The following IFT122 variants were observed in gnomAD, a reference collection of about 807,000 sequenced individuals.
The protein encoded by IFT122 is intraflagellar transport 122.
A neutral mutation model predicts 161.6 loss-of-function variants in IFT122; 118 were observed. The ratio of observed to expected loss-of-function variants is 0.73; its 90% confidence interval spans 0.63 to 0.85. The LOEUF is 0.85. Ranked by LOEUF, IFT122 falls within the 40% of genes least tolerant of loss-of-function variation. IFT122 has a pLI of 0.00. For synonymous variants in IFT122, 550 were observed against 602.4 expected (o/e 0.91, Z 1.27); for missense variants, 1,381 against 1,579.6 (o/e 0.87, Z 2.13).
intron 9 of IFT122, among the ~76,000 whole-genome samples, chr3:129,472,160 A>G (rs563654119): frequency 8.5e-5 from 13 of 152,080 alleles, no homozygotes; most frequent in African/African-American, 2.9e-4. Flanking sequence ...GTCTGATTTT[A>G]TTTACTTTTT....
At chr3:129,445,287 C>T (rs1019817274) in intron 1 of IFT122, among the ~76,000 whole-genome samples, 15 of 152,140 alleles carry the variant, frequency 9.9e-5, no homozygotes, top group Non-Finnish European at 4.4e-5. Flanking sequence ...GATCCTGCTA[C>T]TGCACTCCAG....
rs114073367 is a variant in IFT122, at chr3:129,487,942, C to G, written c.1852-315C>G. On this transcript the variant is annotated intron_variant, in intron 15 of 29. Coordinates refer to ENST00000348417, the MANE Select transcript of IFT122 (RefSeq NM_052989.3). Reference sequence around the variant, plus strand: ...AAGCCAAATAGGTATTTTCCAGAGGCAGAGTGGGGAGGGGCAAAGGCATTC... The same window carrying G: ...AAGCCAAATAGGTATTTTCCAGAGGGAGAGTGGGGAGGGGCAAAGGCATTC... 6.0e-3 allele frequency: 2,632 copies of G among 440,396 alleles called. 20 individuals are homozygous for G. Among genetic ancestry groups the G allele is most frequent in the African/African-American group, 0.035 (1,726 of 49,578 alleles). 27.3% of individuals were successfully genotyped at this position (440,396 alleles called of 1,614,324 possible). A position where few individuals can be genotyped will look rare whatever the true frequency, so the allele number is the denominator to read the frequency against.
intron 1 of IFT122, 79 bp from the exon 2 acceptor site, chr3:129,449,792 A>G (rs1372422311): frequency 1.0e-6 from 1 of 968,364 alleles, no homozygotes; most frequent in African/African-American, 1.6e-5. Context: ...CTTAATGGCA[A>G]TAAAGTTTAC....
At chr3:129,503,442 C>A (rs1256727262) in intron 20 of IFT122, among the ~76,000 whole-genome samples, 3 of 152,160 alleles carry the variant, frequency 2.0e-5, no homozygotes, top group African/African-American at 7.2e-5. Context: ...TGGCCAGCCT[C>A]AGGCTGGCAG....
chr3:129,516,647 TACAC>T (rs1309470712), intron 26 of IFT122, among the ~76,000 whole-genome samples: 2 of 49,380 alleles, frequency 4.1e-5, no homozygotes, highest in Middle Eastern at 0.017. Flanking sequence ...AGACTGCCCC[TACAC>T]ACACACACAG....
chr3:129,478,083 G>T lies in IFT122; in HGVS notation c.1215G>T (p.Leu405=), dbSNP rs1466881263. 4.3e-6 allele frequency: 7 copies of T among 1,613,972 alleles called. No individual in the cohort carries two copies. In the South Asian group the frequency reaches 6.6e-5, roughly 15 times the overall value. The change falls in exon 12 of 30, where the codon CTG becomes CTT. Residue 405 remains leucine, a synonymous_variant. Coordinates refer to ENST00000348417, the MANE Select transcript of IFT122 (RefSeq NM_052989.3). ...ACAGAAATCGATTGGCTATCCAACT[G>T]CCAGAGAAAATCCTCATCTATGAGT... ...AIYRNRLAIQ[L]PEKILIYELY...
At chr3:129,495,272 T>G (rs1186423340) in intron 17 of IFT122, among the ~76,000 whole-genome samples, 174 bp from the exon 18 acceptor site, 1 of 152,230 alleles carries the variant, frequency 6.6e-6, no homozygotes, top group Non-Finnish European at 1.5e-5. Flanking sequence ...CTGCTTTTGT[T>G]GTCAAGCCTT....
chr3:129,478,286 C>A, intron 12 of IFT122, 68 bp downstream of exon 12: 1 of 1,350,506 alleles, frequency 7.4e-7, no homozygotes, highest in Non-Finnish European at 1.1e-6. Flanking sequence ...TGATAGGGTG[C>A]CCACCTCATG....
chr3:129,514,389 G>T lies in IFT122; in HGVS notation c.2988G>T (p.Val996=). 1 of 1,614,080 alleles carries T rather than the reference G, an allele frequency of 6.2e-7. No individual in the cohort carries two copies. Among genetic ancestry groups the T allele is most frequent in the Non-Finnish European group, 8.5e-7 (1 of 1,180,000 alleles). ...CTGTCCTTAACCCTGTTCACGGCAGGAAAATACTCTTCACCTTGGCCAAGC... is the reference window on the plus strand; with the variant it reads ...CTGTCCTTAACCCTGTTCACGGCAGTAAAATACTCTTCACCTTGGCCAAGC... The part of the protein sequence containing the change: ...PKDTPSGISK[V]KILFTLAKQS... The change falls in exon 25 of 30, where the codon GTG becomes GTT. Residue 996 remains valine (V), a splice_region_variant and synonymous_variant. Coordinates refer to ENST00000348417, the MANE Select transcript of IFT122 (RefSeq NM_052989.3).
At position 129,487,791 on chromosome 3, in the gene IFT122, G is replaced by C. The variant is rs529409750; in HGVS notation, c.1852-466G>C. The C allele has an allele frequency of 4.9e-5, 14 of 287,044 alleles. No homozygotes were observed. In the East Asian group the frequency reaches 1.2e-3, roughly 25 times the overall value. 17.8% of individuals were successfully genotyped at this position (287,044 alleles called of 1,614,324 possible). ...ACGGCTTTGCTGTGGGAACAGGCCT[G>C]TAACTGCGGCACAACCTGCGATCTG... On this transcript the variant is annotated intron_variant, in intron 15 of 29. Transcript: ENST00000348417.
chr3:129,474,256 T>C (rs2077669783), intron 9 of IFT122, among the ~76,000 whole-genome samples: 1 of 152,238 alleles, frequency 6.6e-6, no homozygotes, highest in Admixed American at 6.5e-5. Context: ...CTGTTCACTT[T>C]AACTAGATTT....
chr3:129,477,937 A>G, intron 11 of IFT122, 79 bp from the exon 12 acceptor site: 1 of 1,238,088 alleles, frequency 8.1e-7, no homozygotes, highest in Non-Finnish European at 1.2e-6. Flanking sequence ...GCGCTAAGTA[A>G]ATGATGGCTT....
Position 129,466,813 on chromosome 3 carries a change from C to T in IFT122, c.564-77C>T, listed in dbSNP as rs2076848235. 4.1e-6 allele frequency: 6 copies of T among 1,457,954 alleles called. No homozygotes were observed. In the African/African-American group the frequency reaches 4.2e-5, roughly 10 times the overall value. 90.3% of individuals were successfully genotyped at this position (1,457,954 alleles called of 1,614,324 possible). ...TCACTGCACCTGGCCCCCAGGGGCT[C>T]CTTGCCAGGATTTTAAATTATAGTT... On this transcript the variant is annotated intron_variant, in intron 7 of 29. Coordinates refer to ENST00000348417, the MANE Select transcript of IFT122 (RefSeq NM_052989.3).
chr3:129,491,220 G>A (rs2080043715), intron 16 of IFT122, among the ~76,000 whole-genome samples: 1 of 152,208 alleles, frequency 6.6e-6, no homozygotes, highest in African/African-American at 2.4e-5. Flanking sequence ...TCAGGAGGGA[G>A]GATGCCATGC....
chr3:129,462,571 T>C (rs1249607454), intron 5 of IFT122, among the ~76,000 whole-genome samples: 3 of 152,224 alleles, frequency 2.0e-5, no homozygotes, highest in Non-Finnish European at 2.9e-5. Context: ...AGGAGTTTCT[T>C]CCAGCTTGGG....
At chr3:129,447,300 G>A (rs1453579159) in intron 1 of IFT122, among the ~76,000 whole-genome samples, 1 of 152,122 alleles carries the variant, frequency 6.6e-6, no homozygotes, top group African/African-American at 2.4e-5. Context: ...AAATACATTG[G>A]TTTGATCCAG....
At chr3:129,467,216 C>T in intron 8 of IFT122, 150 bp downstream of exon 8, 1 of 680,052 alleles carries the variant, frequency 1.5e-6, no homozygotes, top group South Asian at 1.7e-5. Flanking sequence ...AGGAGACATA[C>T]CCTTAAAACT....
intron 3 of IFT122, among the ~76,000 whole-genome samples, chr3:129,455,492 G>A (rs949515754): frequency 3.9e-5 from 6 of 152,128 alleles, no homozygotes; most frequent in Middle Eastern, 6.8e-3. Flanking sequence ...AGTATTTAAT[G>A]AGCAACCATG....
At chr3:129,504,069 C>A in intron 20 of IFT122, 1 of 505,558 alleles carries the variant, frequency 2.0e-6, no homozygotes. Context: ...TGTGCCGCTT[C>A]TGTGGTCCAG....
Sources: allele counts gnomAD v4.1 joint callset (sites outside exome capture counted in the v4.1 genomes callset), GRCh38; gene constraint gnomAD v4.1.1; transcripts MANE v1.5; gene names NCBI Gene and HGNC (gene_info 2026-07-23, HGNC 2026-07-21).